Variants in PTPRT observed in about 807,000 individuals in gnomAD.
PTPRT encodes protein tyrosine phosphatase receptor type T.
PTPRT carries 56 observed loss-of-function variants against 176.8 expected under a neutral mutation model. That is an observed-to-expected ratio of 0.32 (90% confidence interval 0.26 to 0.40). PTPRT has a LOEUF of 0.40. PTPRT is among the 10% of genes least tolerant of loss of function. PTPRT has a pLI of 1.00. For synonymous variants in PTPRT, 783 were observed against 739.0 expected, an observed-to-expected ratio of 1.06 and a Z score of -0.96; for missense variants, 1,540 against 1,908.2, an observed-to-expected ratio of 0.81 and a Z score of 3.60.
At chr20:42,552,962 C>G (rs537980180) in intron 7 of PTPRT, among the ~76,000 whole-genome samples, 1 of 152,036 alleles carries the variant, frequency 6.6e-6, no homozygotes, top group Non-Finnish European at 1.5e-5. Context: ...CAATAAGAAC[C>G]GCCTTGAGTA....
chr20:42,698,777 C>A (rs1028480121), intron 6 of PTPRT, among the ~76,000 whole-genome samples: 3 of 152,036 alleles, frequency 2.0e-5, no homozygotes, highest in African/African-American at 7.2e-5. Context: ...CCCAACCGCC[C>A]GGGTCTTTGG....
intron 1 of PTPRT, among the ~76,000 whole-genome samples, chr20:43,022,758 G>C (rs1217650797): frequency 3.3e-5 from 5 of 152,310 alleles, no homozygotes; most frequent in African/African-American, 9.6e-5. Context: ...TAACAGCTGG[G>C]TAAAAAAGCA....
intron 1 of PTPRT, among the ~76,000 whole-genome samples, chr20:43,159,136 C>T (rs899431795): frequency 2.0e-5 from 3 of 152,150 alleles, no homozygotes; most frequent in Admixed American, 2.0e-4. Context: ...TCGCTGTCAG[C>T]AAATAGAGCT....
chr20:42,209,381 A>G (rs1252284291), intron 15 of PTPRT, among the ~76,000 whole-genome samples: 2 of 152,034 alleles, frequency 1.3e-5, no homozygotes, highest in Non-Finnish European at 2.9e-5. Flanking sequence ...AAGGATCTAC[A>G]AAATTGATAG....
chr20:43,113,087 T>G (rs1478018488), intron 1 of PTPRT, among the ~76,000 whole-genome samples: 1 of 151,968 alleles, frequency 6.6e-6, no homozygotes, highest in Non-Finnish European at 1.5e-5. Context: ...GTTTTGCATG[T>G]AACTCATTCA....
At chr20:42,102,352 A>G in intron 25 of PTPRT, 55 bp from the exon 26 acceptor site, 2 of 1,560,096 alleles carry the variant, frequency 1.3e-6, no homozygotes, top group Non-Finnish European at 1.8e-6. Context: ...GCCCCTGAGC[A>G]AAAGAGACAG....
intron 6 of PTPRT, among the ~76,000 whole-genome samples, chr20:42,736,715 G>T (rs913004891): frequency 2.0e-5 from 3 of 152,216 alleles, no homozygotes; most frequent in African/African-American, 4.8e-5. Context: ...GAGACACGGG[G>T]TACAATTTAT....
intron 6 of PTPRT, among the ~76,000 whole-genome samples, chr20:42,704,829 T>C (rs1359779393): frequency 1.3e-5 from 2 of 152,230 alleles, no homozygotes; most frequent in Non-Finnish European, 2.9e-5. Context: ...ATTGGCTGTT[T>C]ACTTTCTTCC....
At chr20:42,128,138 C>T (rs1987948323) in intron 19 of PTPRT, among the ~76,000 whole-genome samples, 1 of 152,176 alleles carries the variant, frequency 6.6e-6, no homozygotes, top group African/African-American at 2.4e-5. Context: ...TTGGCTTGTG[C>T]TATTCTCTCT....
rs375955661 is a variant in PTPRT, at chr20:42,432,439, C to T, written c.1560+15781G>A. ...AATCCTAAGCTCCCAACCAACTGAACGGACGCCTTCTTGGCCAAGGGGACC... is the reference window on the plus strand; with the variant it reads ...AATCCTAAGCTCCCAACCAACTGAATGGACGCCTTCTTGGCCAAGGGGACC... On this transcript the variant is annotated intron_variant, in intron 9 of 30. Transcript: ENST00000373187. 1.1e-4 allele frequency among the ~76,000 whole-genome samples: 17 copies of T among 152,232 alleles called. No homozygotes were observed. In the East Asian group the frequency reaches 1.9e-3, roughly 17 times the overall value.
chr20:43,030,524 C>T (rs1013973953), intron 1 of PTPRT, among the ~76,000 whole-genome samples: 1 of 150,748 alleles, frequency 6.6e-6, no homozygotes, highest in Non-Finnish European at 1.5e-5. Flanking sequence ...AAAAAAATGG[C>T]ATAAGCCATG....
intron 6 of PTPRT, among the ~76,000 whole-genome samples, chr20:42,715,500 A>G (rs1490406363): frequency 6.6e-6 from 1 of 152,174 alleles, no homozygotes; most frequent in African/African-American, 2.4e-5. Context: ...ACTAAAAACT[A>G]CCATATCTAA....
intron 7 of PTPRT, among the ~76,000 whole-genome samples, chr20:42,609,978 A>T (rs2073946541): frequency 6.6e-6 from 1 of 152,124 alleles, no homozygotes; most frequent in Non-Finnish European, 1.5e-5. Context: ...ATTTCATTTG[A>T]CTCCAAGCAT....
intron 1 of PTPRT, among the ~76,000 whole-genome samples, chr20:42,922,733 C>T (rs1468503693): frequency 6.6e-6 from 1 of 152,138 alleles, no homozygotes; most frequent in African/African-American, 2.4e-5. Flanking sequence ...CGAGTCCTCC[C>T]CTGCTGCTTC....
the PTPRT span, among the ~76,000 whole-genome samples, chr20:42,048,035 C>T: frequency 2.0e-5 from 3 of 152,262 alleles, no homozygotes; most frequent in South Asian, 6.2e-4. Context: ...CAGAATTGGG[C>T]TTTCTGGGTC....
intron 1 of PTPRT, among the ~76,000 whole-genome samples, chr20:43,021,523 G>A (rs1394248241): frequency 6.6e-6 from 1 of 152,014 alleles, no homozygotes; most frequent in Non-Finnish European, 1.5e-5. Flanking sequence ...GAGGACCAGG[G>A]ACAGGTGGGC....
intron 7 of PTPRT, among the ~76,000 whole-genome samples, chr20:42,575,964 T>C (rs941525500): frequency 2.0e-5 from 3 of 152,166 alleles, no homozygotes; most frequent in African/African-American, 7.2e-5. Context: ...GTTCTGATCC[T>C]GTCACCTCTC....
chr20:42,308,631 G>A (rs1271605561), intron 12 of PTPRT, among the ~76,000 whole-genome samples: 2 of 152,134 alleles, frequency 1.3e-5, no homozygotes, highest in Non-Finnish European at 2.9e-5. Context: ...ACTCTCTCCC[G>A]ATTTTTTTGA....
At chr20:43,069,540 G>C (rs776301462) in intron 1 of PTPRT, among the ~76,000 whole-genome samples, 2 of 152,138 alleles carry the variant, frequency 1.3e-5, no homozygotes, top group African/African-American at 4.8e-5. Flanking sequence ...ATTCATCCCT[G>C]ATCTATCCTT....
Sources: allele counts gnomAD v4.1 joint callset (sites outside exome capture counted in the v4.1 genomes callset), GRCh38; gene constraint gnomAD v4.1.1; transcripts MANE v1.5; gene names NCBI Gene and HGNC (gene_info 2026-07-23, HGNC 2026-07-21).